The following UBIAD1 variants were observed in gnomAD, a reference collection of about 807,000 sequenced individuals.
UBIAD1 encodes UbiA prenyltransferase domain containing 1.
UBIAD1 carries 12 observed loss-of-function variants against 20.1 expected under a neutral mutation model. That is an observed-to-expected ratio of 0.60 (90% CI 0.38 to 0.97). The LOEUF (loss-of-function observed/expected upper bound fraction) is 0.97. Among genes scored for constraint, UBIAD1 ranks in the 50% least tolerant of loss-of-function variants. The pLI, the probability that UBIAD1 is intolerant of heterozygous loss-of-function variation, is 0.00. For synonymous variants in UBIAD1, 207 were observed against 189.2 expected (o/e 1.09, Z -0.77); for missense variants, 333 against 419.5 (o/e 0.79, Z 1.80).
chr1:11,286,250 G>A lies in UBIAD1; in HGVS notation c.*119G>A. 1 of 1,342,952 alleles carries A rather than the reference G, an allele frequency of 7.4e-7. No homozygotes were observed. Among genetic ancestry groups the A allele is most frequent in the Non-Finnish European group, 1.0e-6 (1 of 967,714 alleles). 83.2% of individuals were successfully genotyped at this position (1,342,952 alleles called of 1,614,324 possible). ...GTACTAAGCATGGGTGGGAACTCCTGCCTTATAAAAATTGTTTTTGTGTTC... is the reference window on the plus strand; with the variant it reads ...GTACTAAGCATGGGTGGGAACTCCTACCTTATAAAAATTGTTTTTGTGTTC... On this transcript the variant is annotated 3_prime_UTR_variant, in exon 2 of 2. Transcript: ENST00000376810.
chr1:11,285,888 C>T lies in UBIAD1; in HGVS notation c.774C>T (p.Tyr258=), dbSNP rs376217437. The T allele has an allele frequency of 1.9e-6, 3 of 1,614,140 alleles. No individual in the cohort carries two copies. Among genetic ancestry groups the T allele is most frequent in the African/African-American group, 2.7e-5 (2 of 74,944 alleles). ...LAILIGPTFS[Y]ILYNTLLFLP... ...TCCTCATCGGCCCCACGTTCTCCTA[C>T]ATTCTCTACAACACACTGCTCTTCC... Residue 258 remains tyrosine, a synonymous_variant, in exon 2 of 2, where the codon TAC becomes TAT. Coordinates refer to ENST00000376810, the MANE Select transcript of UBIAD1 (RefSeq NM_013319.3). This position sits in a 1 kb window ranked among gnomAD's most constrained non-coding sequence, Gnocchi z 4.4.
chr1:11,284,088 C>T (rs774468200), intron 1 of UBIAD1, among the ~76,000 whole-genome samples: 56 of 152,298 alleles, frequency 3.7e-4, no homozygotes, highest in Non-Finnish European at 5.7e-4. Flanking sequence ...ATGGAACTTA[C>T]AGTTTAGTGA....
downstream of UBIAD1, among the ~76,000 whole-genome samples, chr1:11,297,103 G>A (rs1263615003): frequency 6.6e-6 from 1 of 152,224 alleles, no homozygotes; most frequent in Admixed American, 6.5e-5. Flanking sequence ...ACTATTCATT[G>A]TGAAACTCTC....
chr1:11,294,822 T>A, intron 1 of UBIAD1: 1 of 717,460 alleles, frequency 1.4e-6, no homozygotes, highest in Non-Finnish European at 2.6e-6. Flanking sequence ...AGGTTAAATT[T>A]ATGCTCCTGT....
At chr1:11,276,663 CA>C (rs765905706) in intron 1 of UBIAD1, among the ~76,000 whole-genome samples, 8,187 of 71,724 alleles carry the variant, frequency 0.11, 602 homozygotes, top group African/African-American at 0.3. Context: ...GGCTCCATCT[CA>C]AAAAAAAAAA....
At chr1:11,299,400 G>T (rs1183986118), downstream of UBIAD1, among the ~76,000 whole-genome samples, 1 of 152,216 alleles carries the variant, frequency 6.6e-6, no homozygotes, top group East Asian at 1.9e-4. Context: ...CACCGCACAG[G>T]AGCACCACAC....
downstream of UBIAD1, among the ~76,000 whole-genome samples, chr1:11,288,650 G>A (rs527960904): frequency 1.3e-5 from 2 of 152,336 alleles, no homozygotes; most frequent in South Asian, 4.1e-4. Context: ...GCTCACGCTT[G>A]TAATCACAGT....
chr1:11,292,668 TAC>T (rs71568319), downstream of UBIAD1, among the ~76,000 whole-genome samples: 34,804 of 140,316 alleles, frequency 0.25, 4,103 homozygotes, highest in Admixed American at 0.37. Context: ...ATTTTATGTA[TAC>T]ACACACACAC....
chr1:11,297,689 G>C (rs1026067040), downstream of UBIAD1, among the ~76,000 whole-genome samples: 9 of 152,172 alleles, frequency 5.9e-5, no homozygotes, highest in Non-Finnish European at 1.3e-4. Flanking sequence ...AGATTGTCAA[G>C]GTGACTTCTC....
Position 11,286,171 on chromosome 1 carries a change from T to C in UBIAD1, c.*40T>C, listed in dbSNP as rs766206855. On this transcript the variant is annotated 3_prime_UTR_variant, in exon 2 of 2. Coordinates refer to ENST00000376810, the MANE Select transcript of UBIAD1 (RefSeq NM_013319.3). ...CCCCCCACGACATGTCTCCCTTTCTTAGAATATATTAAAGTCAGAGTCTCT... is the reference window on the plus strand; with the variant it reads ...CCCCCCACGACATGTCTCCCTTTCTCAGAATATATTAAAGTCAGAGTCTCT... 1 of 1,613,508 alleles carries C rather than the reference T, an allele frequency of 6.2e-7. No homozygotes were observed. Among genetic ancestry groups the C allele is most frequent in the South Asian group, 1.1e-5 (1 of 91,010 alleles).
At chr1:11,294,315 A>T (rs1343289943) in intron 1 of UBIAD1, among the ~76,000 whole-genome samples, 4 of 150,414 alleles carry the variant, frequency 2.7e-5, no homozygotes, top group South Asian at 4.2e-4. Flanking sequence ...TATTATTATT[A>T]TTTTTAATTA....
chr1:11,287,455 A>G lies in UBIAD1; in HGVS notation c.*1324A>G, dbSNP rs1429075379. The G allele has an allele frequency of 6.6e-6, 1 of 152,138 alleles. No homozygotes were observed. The highest frequency in any genetic ancestry group is 1.5e-5 in the Non-Finnish European group (1 of 68,028). The allele number at this position is 152,138 out of a possible 1,614,324, so 9.4% of individuals were successfully genotyped here. A position where few individuals can be genotyped will look rare whatever the true frequency, so the allele number is the denominator to read the frequency against. On this transcript the variant is annotated 3_prime_UTR_variant, in exon 2 of 2. Coordinates refer to ENST00000376810, the MANE Select transcript of UBIAD1 (RefSeq NM_013319.3). ...AGTTGCATTTGATCCAGGACTATAGATTGGAAATGGGTCATCATTGTTTTC... is the reference window on the plus strand; with the variant it reads ...AGTTGCATTTGATCCAGGACTATAGGTTGGAAATGGGTCATCATTGTTTTC...
chr1:11,288,323 A>G lies in UBIAD1; in HGVS notation c.*2192A>G, dbSNP rs1008433504. 5 of 152,176 alleles carry G rather than the reference A, an allele frequency of 3.3e-5. No homozygotes were observed. The highest frequency in any genetic ancestry group is 5.9e-5 in the Non-Finnish European group (4 of 68,032). The allele number at this position is 152,176 out of a possible 1,614,324, so 9.4% of individuals were successfully genotyped here. On this transcript the variant is annotated 3_prime_UTR_variant, in exon 2 of 2. Coordinates refer to ENST00000376810, the MANE Select transcript of UBIAD1 (RefSeq NM_013319.3). The stretch of plus-strand genomic sequence containing the variant: ...TATATATAAATGTTCCCAAAGGCCA[A>G]ATTTGTTGCCAGGTTTTATACGCAG...
At chr1:11,294,833 C>T in intron 1 of UBIAD1, 1 of 717,478 alleles carries the variant, frequency 1.4e-6, no homozygotes, top group Non-Finnish European at 2.6e-6. Flanking sequence ...ATGCTCCTGT[C>T]CCCTCATCTG....
At chr1:11,297,147 C>A (rs1424823841), downstream of UBIAD1, among the ~76,000 whole-genome samples, 1 of 152,220 alleles carries the variant, frequency 6.6e-6, no homozygotes, top group Non-Finnish European at 1.5e-5. Context: ...CTCCCAGATT[C>A]ATGTTGAATC....
chr1:11,294,849 C>T (rs1485886119), intron 1 of UBIAD1: 2 of 717,386 alleles, frequency 2.8e-6, no homozygotes, highest in African/African-American at 3.5e-5. Context: ...ATCTGTCTGT[C>T]CTCATTCGTC....
Position 11,285,548 on chromosome 1 carries a change from AT to A in UBIAD1, c.530-92del. 6.3e-7 allele frequency: 1 copy of A among 1,588,276 alleles called. No homozygotes were observed. Among genetic ancestry groups the A allele is most frequent in the South Asian group, 1.1e-5 (1 of 89,478 alleles). On this transcript the variant is annotated intron_variant, in intron 1 of 1. Coordinates refer to ENST00000376810, the MANE Select transcript of UBIAD1 (RefSeq NM_013319.3). This position sits in a 1 kb window ranked among gnomAD's most constrained non-coding sequence, Gnocchi z 4.4. Reference sequence around the variant, plus strand: ...CACCTGCACAGTCTAAGGATTTACCATTTTCAGCCGGAAGTGGCCTGCCTCT... The same window carrying A: ...CACCTGCACAGTCTAAGGATTTACCATTTCAGCCGGAAGTGGCCTGCCTCT...
chr1:11,285,961 C>T lies in UBIAD1; in HGVS notation c.847C>T (p.Leu283=), dbSNP rs758570767. The T allele has an allele frequency of 8.7e-6, 14 of 1,614,224 alleles. No individual in the cohort carries two copies. The highest frequency in any genetic ancestry group is 1.7e-5 in the Admixed American group (1 of 60,028). ...SILATHCTIS[L]ALPLLTIPMA... Reference sequence around the variant, plus strand: ...CCTGGCCACACACTGCACCATCAGCCTGGCACTCCCCCTGCTTACCATTCC... The same window carrying T: ...CCTGGCCACACACTGCACCATCAGCTTGGCACTCCCCCTGCTTACCATTCC... Residue 283 remains leucine (L), a synonymous_variant, in exon 2 of 2, where the codon CTG becomes TTG. Transcript: ENST00000376810. This position sits in a 1 kb window ranked among gnomAD's most constrained non-coding sequence, Gnocchi z 4.4.
intron 1 of UBIAD1, among the ~76,000 whole-genome samples, chr1:11,275,535 G>A (rs1651991221): frequency 6.6e-6 from 1 of 152,104 alleles, no homozygotes; most frequent in African/African-American, 2.4e-5. Flanking sequence ...GAGGCCAGGA[G>A]TTAAACACCA....
Sources: gnomAD v4.1 joint callset for allele counts (sites outside exome capture counted in the v4.1 genomes callset) on GRCh38, gnomAD v4.1.1 for gene constraint, Gnocchi (gnomAD v3.1) non-coding constraint, MANE v1.5 for transcripts, NCBI Gene and HGNC (gene_info 2026-07-23, HGNC 2026-07-21) for gene names.